TSHZ1: variants seen among roughly 807,000 people sequenced by gnomAD.
TSHZ1 encodes teashirt zinc finger homeobox 1, also known as teashirt homolog 1.
TSHZ1 carries 12 observed loss-of-function variants against 67.1 expected under a neutral mutation model. That is an observed-to-expected ratio of 0.18 (90% CI 0.11 to 0.29). The LOEUF is 0.29. Ranked by LOEUF, TSHZ1 falls within the 10% of genes least tolerant of loss-of-function variation. TSHZ1 has a pLI of 1.00. For synonymous variants in TSHZ1, 632 were observed against 622.4 expected (o/e 1.02, Z -0.23); for missense variants, 1,305 against 1,413.9 (o/e 0.92, Z 1.23).
intron 1 of TSHZ1, 103 bp downstream of exon 1, chr18:75,212,019 A>C: frequency 1.1e-6 from 1 of 930,994 alleles, no homozygotes; most frequent in Non-Finnish European, 1.4e-6. Flanking sequence ...GGGCCGCCCC[A>C]AGCTGGGGAG....
intron 1 of TSHZ1, among the ~76,000 whole-genome samples, chr18:75,274,415 A>G (rs2023592356): frequency 6.6e-6 from 1 of 151,930 alleles, no homozygotes; most frequent in South Asian, 2.1e-4. Flanking sequence ...GGTGGTGACT[A>G]TTTTCTGTGA....
At chr18:75,222,199 A>G (rs952511315) in intron 1 of TSHZ1, among the ~76,000 whole-genome samples, 9 of 143,080 alleles carry the variant, frequency 6.3e-5, no homozygotes, top group African/African-American at 2.1e-4. Flanking sequence ...GCAGCGTTTT[A>G]TTTTTGCAGT....
intron 1 of TSHZ1, among the ~76,000 whole-genome samples, chr18:75,253,964 ACAGGCCTAATT>A (rs1323795441): frequency 1.3e-5 from 2 of 152,252 alleles, no homozygotes; most frequent in Non-Finnish European, 2.9e-5. Flanking sequence ...TTGCCACTGC[ACAGGCCTAATT>A]CCTGTTGCGT....
intron 1 of TSHZ1, among the ~76,000 whole-genome samples, chr18:75,216,728 G>A (rs1174163450): frequency 6.6e-6 from 1 of 152,220 alleles, no homozygotes; most frequent in African/African-American, 2.4e-5. Flanking sequence ...ATTGGTGATG[G>A]AGTTGAACCA....
chr18:75,263,589 C>T (rs911006396), intron 1 of TSHZ1, among the ~76,000 whole-genome samples: 2 of 152,080 alleles, frequency 1.3e-5, no homozygotes, highest in Non-Finnish European at 2.9e-5. Flanking sequence ...TAACCATGTT[C>T]AATATGTCTA....
chr18:75,249,482 A>G (rs9961698), intron 1 of TSHZ1, among the ~76,000 whole-genome samples: 110,082 of 143,078 alleles, frequency 0.77, 42,219 homozygotes, highest in South Asian at 0.85. Flanking sequence ...TGGCTTTGGT[A>G]GGGGGGAAGG....
Position 75,211,060 on chromosome 18 carries a change from G to A in TSHZ1, c.-817G>A, listed in dbSNP as rs977740614. ...TTTTTTCTGTTGGAAGATCAAGACC[G>A]GCCAAAAATCCATGATCAAAATGTG... On this transcript the variant is annotated 5_prime_UTR_variant, in exon 1 of 2. Coordinates refer to ENST00000580243, the MANE Select transcript of TSHZ1 (RefSeq NM_001308210.2). 6.6e-6 allele frequency: 1 copy of A among 151,406 alleles called. No homozygotes were observed. The highest frequency in any genetic ancestry group is 2.4e-5 in the African/African-American group (1 of 41,102). 9.4% of individuals were successfully genotyped at this position (151,406 alleles called of 1,614,324 possible).
intron 1 of TSHZ1, chr18:75,285,141 A>T: frequency 4.1e-6 from 1 of 245,122 alleles, no homozygotes; most frequent in East Asian, 7.9e-5. Context: ...GGTACTTGGC[A>T]GGTGGTGGCT....
intron 1 of TSHZ1, among the ~76,000 whole-genome samples, chr18:75,227,075 C>T (rs1395998066): frequency 2.0e-5 from 3 of 152,118 alleles, no homozygotes; most frequent in Non-Finnish European, 4.4e-5. Context: ...CCAGGTGCCC[C>T]TGCATCTCCC....
chr18:75,260,206 C>T (rs1402381765), intron 1 of TSHZ1, among the ~76,000 whole-genome samples: 1 of 150,890 alleles, frequency 6.6e-6, no homozygotes, highest in Non-Finnish European at 1.5e-5. Flanking sequence ...GTTTCCCTGG[C>T]CTTCAGTCAC....
At chr18:75,271,651 A>G (rs1175069348) in intron 1 of TSHZ1, among the ~76,000 whole-genome samples, 1 of 152,042 alleles carries the variant, frequency 6.6e-6, no homozygotes, top group Non-Finnish European at 1.5e-5. Flanking sequence ...CTTCTCTTTT[A>G]TCATTCATGT....
intron 1 of TSHZ1, among the ~76,000 whole-genome samples, chr18:75,236,156 C>T (rs2023068107): frequency 6.6e-6 from 1 of 152,154 alleles, no homozygotes; most frequent in African/African-American, 2.4e-5. Flanking sequence ...GGCCACCACC[C>T]TGCAGCCCTG....
At chr18:75,259,425 G>A (rs1026512820) in intron 1 of TSHZ1, among the ~76,000 whole-genome samples, 2 of 152,178 alleles carry the variant, frequency 1.3e-5, no homozygotes, top group African/African-American at 4.8e-5. Context: ...TCTGAGTAGT[G>A]TGATGAAATC....
At chr18:75,239,889 C>T (rs977948882) in intron 1 of TSHZ1, among the ~76,000 whole-genome samples, 5 of 152,290 alleles carry the variant, frequency 3.3e-5, no homozygotes, top group East Asian at 1.9e-4. Context: ...AGGAGGTACG[C>T]GATGGGTGTT....
chr18:75,253,314 C>A (rs149886857), intron 1 of TSHZ1, among the ~76,000 whole-genome samples: 53 of 152,294 alleles, frequency 3.5e-4, no homozygotes, highest in Non-Finnish European at 6.2e-4. Flanking sequence ...GATTTTAGTA[C>A]TTTTTTATCA....
At chr18:75,280,671 A>G (rs959782425) in intron 1 of TSHZ1, 1 of 869,894 alleles carries the variant, frequency 1.1e-6, no homozygotes, top group African/African-American at 1.8e-5. Flanking sequence ...TTCCTGTGGA[A>G]AAGGTGTTTC....
intron 1 of TSHZ1, among the ~76,000 whole-genome samples, chr18:75,229,159 G>A (rs1443610581): frequency 6.6e-6 from 1 of 152,232 alleles, no homozygotes; most frequent in Non-Finnish European, 1.5e-5. Flanking sequence ...CCATCCCAGG[G>A]CAATCTGGGG....
chr18:75,243,766 G>C (rs2023187537), intron 1 of TSHZ1, among the ~76,000 whole-genome samples: 1 of 152,166 alleles, frequency 6.6e-6, no homozygotes, highest in Non-Finnish European at 1.5e-5. Flanking sequence ...ATTAGCCTGA[G>C]AGTCCAACAT....
At chr18:75,254,853 T>C (rs776127580) in intron 1 of TSHZ1, among the ~76,000 whole-genome samples, 1 of 152,210 alleles carries the variant, frequency 6.6e-6, no homozygotes. Flanking sequence ...CAAAAGCATG[T>C]AGATTTTATG....
Sources: allele counts gnomAD v4.1 joint callset (sites outside exome capture counted in the v4.1 genomes callset), GRCh38; gene constraint gnomAD v4.1.1; transcripts MANE v1.5; gene names NCBI Gene and HGNC (gene_info 2026-07-23, HGNC 2026-07-21).